Variants in PDZD2 observed in about 807,000 individuals in gnomAD.
PDZD2 encodes the protein PDZ domain containing 2.
A neutral mutation model predicts 220.7 loss-of-function variants in PDZD2; 90 were observed. The ratio of observed to expected loss-of-function variants is 0.41; its 90% confidence interval spans 0.34 to 0.49. The LOEUF (loss-of-function observed/expected upper bound fraction) is 0.49. Ranked by LOEUF, PDZD2 falls within the 20% of genes least tolerant of loss-of-function variation. The pLI, the probability that PDZD2 is intolerant of heterozygous loss-of-function variation, is 0.28. For missense variants in PDZD2, 3,174 were observed against 3,608.5 expected (o/e 0.88, Z 3.08); for synonymous variants, 1,375 against 1,450.5 (o/e 0.95, Z 1.18).
intron 1 of PDZD2, among the ~76,000 whole-genome samples, chr5:31,766,545 AT>A (rs1752024197): frequency 6.6e-6 from 1 of 151,966 alleles, no homozygotes; most frequent in Admixed American, 6.6e-5. Flanking sequence ...GTATGCCACC[AT>A]CCCTGCATAA....
intron 2 of PDZD2, among the ~76,000 whole-genome samples, chr5:31,896,372 G>A (rs1741573501): frequency 6.8e-6 from 1 of 147,772 alleles, no homozygotes; most frequent in Admixed American, 6.8e-5. Flanking sequence ...GTGTGTATGT[G>A]TGTGTGTGAA....
intron 1 of PDZD2, chr5:31,742,420 T>TC (rs1332936238): frequency 6.6e-6 from 1 of 151,774 alleles, no homozygotes; most frequent in Non-Finnish European, 1.5e-5. Context: ...CTTTTTTTTT[T>TC]TTTTTTCATT....
chr5:31,698,361 C>T lies in PDZD2; in HGVS notation c.-361+58924C>T, dbSNP rs1262661286. Among the ~76,000 whole-genome samples, 5 of 149,428 alleles carry T rather than the reference C, an allele frequency of 3.3e-5. No homozygotes were observed. In the South Asian group the frequency reaches 6.4e-4, roughly 19 times the overall value. On this transcript the variant is annotated intron_variant, in intron 1 of 24. Coordinates refer to ENST00000438447, the MANE Select transcript of PDZD2 (RefSeq NM_178140.4). ...CTGTAATCCCAGCACTTTGGGAGGC[C>T]GAGGTGGGCGGATCACGAGGTCAAG...
At chr5:31,751,108 G>A (rs1157985590) in intron 1 of PDZD2, among the ~76,000 whole-genome samples, 1 of 152,092 alleles carries the variant, frequency 6.6e-6, no homozygotes, top group Non-Finnish European at 1.5e-5. Flanking sequence ...TGGGCGTGGT[G>A]GCACGCGCCT....
At chr5:31,870,269 T>C (rs574045050) in intron 2 of PDZD2, among the ~76,000 whole-genome samples, 1 of 152,138 alleles carries the variant, frequency 6.6e-6, no homozygotes, top group East Asian at 1.9e-4. Flanking sequence ...ACATATAAGG[T>C]GTAGAGTCCA....
chr5:31,885,819 A>G (rs896056954), intron 2 of PDZD2, among the ~76,000 whole-genome samples: 3 of 152,234 alleles, frequency 2.0e-5, no homozygotes, highest in African/African-American at 4.8e-5. Flanking sequence ...GAAAACAGCA[A>G]TTATCTTGGG....
intron 2 of PDZD2, among the ~76,000 whole-genome samples, chr5:31,872,784 A>G (rs1580956215): frequency 6.6e-6 from 1 of 150,890 alleles, no homozygotes; most frequent in Non-Finnish European, 1.5e-5. Context: ...ACGTGTGTGT[A>G]TGTGTGTGTG....
At chr5:32,014,647 A>G (rs1753593080) in intron 6 of PDZD2, among the ~76,000 whole-genome samples, 1 of 138,026 alleles carries the variant, frequency 7.2e-6, no homozygotes, top group Admixed American at 7.5e-5. Flanking sequence ...GCCCTGTTCT[A>G]CCTGATTGGC....
At chr5:31,803,418 A>T (rs1435325840) in intron 2 of PDZD2, among the ~76,000 whole-genome samples, 1 of 151,632 alleles carries the variant, frequency 6.6e-6, no homozygotes, top group Non-Finnish European at 1.5e-5. Flanking sequence ...CATAGGCTTT[A>T]TTGAGGTTTT....
At chr5:32,001,314 A>G (rs1386819417) in intron 5 of PDZD2, among the ~76,000 whole-genome samples, 1 of 152,216 alleles carries the variant, frequency 6.6e-6, no homozygotes, top group Non-Finnish European at 1.5e-5. Context: ...GCAGCTGGAA[A>G]GGGAAGAGAG....
chr5:31,867,582 C>G lies in PDZD2; in HGVS notation c.476+67858C>G. On this transcript the variant is annotated intron_variant, in intron 2 of 24. Transcript: ENST00000438447. ...CACGGGTCTATATTTAGTTCAAGGA[C>G]CAGGGTATCAGGTGTTCCCTACAAA... Among the ~76,000 whole-genome samples the G allele has an allele frequency of 1.3e-5, 2 of 152,086 alleles. 1 individual carries two copies. The highest frequency in any genetic ancestry group is 2.9e-5 in the Non-Finnish European group (2 of 68,036).
intron 1 of PDZD2, among the ~76,000 whole-genome samples, chr5:31,729,257 C>T (rs1400107616): frequency 2.0e-5 from 3 of 151,900 alleles, no homozygotes; most frequent in African/African-American, 4.8e-5. Flanking sequence ...CCACTACACC[C>T]GGCTAATTTT....
chr5:31,799,526 TC>T lies in PDZD2; in HGVS notation c.279del (p.Phe93LeufsTer29). ...CTGAGTTTTGGGAACATCCCTGTTT[TC>T]GGGGACTATGGTGAAAAGCGCAGGG... ...VGLSFGNIPV[F>X]GDYGEKRRGG... On this transcript the variant is annotated frameshift_variant, in exon 2 of 25. Transcript: ENST00000438447. LOFTEE classifies it high-confidence loss of function. The T allele has an allele frequency of 6.2e-7, 1 of 1,614,064 alleles. No individual in the cohort carries two copies. The highest frequency in any genetic ancestry group is 8.5e-7 in the Non-Finnish European group (1 of 1,179,990).
chr5:31,723,916 C>T (rs1748956173), intron 1 of PDZD2, among the ~76,000 whole-genome samples: 1 of 152,136 alleles, frequency 6.6e-6, no homozygotes, highest in African/African-American at 2.4e-5. Context: ...CCGTGCCCAG[C>T]CCTCAACTTG....
chr5:31,691,313 G>T (rs1273572630), intron 1 of PDZD2, among the ~76,000 whole-genome samples: 2 of 152,108 alleles, frequency 1.3e-5, no homozygotes, highest in African/African-American at 4.8e-5. Flanking sequence ...GCAGACCTTC[G>T]CGGTGAGTGT....
chr5:32,004,022 G>C (rs556371131), intron 5 of PDZD2, among the ~76,000 whole-genome samples: 17 of 151,708 alleles, frequency 1.1e-4, no homozygotes, highest in African/African-American at 4.1e-4. Context: ...TCTCCTGCTA[G>C]TTTGGAAAAT....
Position 32,090,012 on chromosome 5 carries a change from A to C in PDZD2, c.6564A>C (p.Ser2188=). 6.2e-7 allele frequency: 1 copy of C among 1,605,428 alleles called. No homozygotes were observed. Among genetic ancestry groups the C allele is most frequent in the Non-Finnish European group, 8.5e-7 (1 of 1,175,772 alleles). Reference sequence around the variant, plus strand: ...AGGCAGAATACTCCCAGGGAAAATCAAGCCTGATGTCAGACTCCCGAGGGG... The same window carrying C: ...AGGCAGAATACTCCCAGGGAAAATCCAGCCTGATGTCAGACTCCCGAGGGG... ...IRKAEYSQGK[S]SLMSDSRGVP... Residue 2188 remains serine (S), a synonymous_variant, in exon 20 of 25, where the codon TCA becomes TCC. Coordinates refer to ENST00000438447, the MANE Select transcript of PDZD2 (RefSeq NM_178140.4). This position sits in a 1 kb window ranked among gnomAD's most constrained non-coding sequence, Gnocchi z 4.3.
chr5:31,902,172 A>G (rs1408829312), intron 2 of PDZD2, among the ~76,000 whole-genome samples: 1 of 152,156 alleles, frequency 6.6e-6, no homozygotes, highest in Non-Finnish European at 1.5e-5. Flanking sequence ...AACTTTTCCA[A>G]CGTTACTGCA....
chr5:32,092,267 C>T (rs1179112015), intron 20 of PDZD2, among the ~76,000 whole-genome samples: 3 of 123,502 alleles, frequency 2.4e-5, no homozygotes, highest in Non-Finnish European at 3.2e-5. Context: ...GAGTAAGACT[C>T]AATCTCGAAA....
Sources: allele counts gnomAD v4.1 joint callset (sites outside exome capture counted in the v4.1 genomes callset), GRCh38; gene constraint gnomAD v4.1.1; non-coding constraint Gnocchi (gnomAD v3.1); transcripts MANE v1.5; gene names NCBI Gene and HGNC (gene_info 2026-07-23, HGNC 2026-07-21).